Variants in SNTG1 observed in about 807,000 individuals in gnomAD.
SNTG1 encodes the protein gamma-1-syntrophin.
SNTG1 carries 39 observed loss-of-function variants against 74.7 expected under a neutral mutation model. That is an observed-to-expected ratio of 0.52 (90% confidence interval 0.40 to 0.68). The LOEUF is 0.68. Among genes scored for constraint, SNTG1 ranks in the 30% least tolerant of loss-of-function variants. SNTG1 has a pLI of 0.00. For missense variants in SNTG1, 685 were observed against 609.5 expected, an observed-to-expected ratio of 1.12 and a Z score of -1.30; for synonymous variants, 254 against 217.1, an observed-to-expected ratio of 1.17 and a Z score of -1.49.
intron 2 of SNTG1, among the ~76,000 whole-genome samples, chr8:50,291,858 A>G (rs1466958536): frequency 6.6e-6 from 1 of 152,146 alleles, no homozygotes; most frequent in Non-Finnish European, 1.5e-5. Context: ...AAGACCGGAC[A>G]TGTTGATGGA....
At chr8:50,231,737 TAATC>T (rs1289452003) in intron 2 of SNTG1, among the ~76,000 whole-genome samples, 1 of 151,264 alleles carries the variant, frequency 6.6e-6, no homozygotes, top group African/African-American at 2.4e-5. Flanking sequence ...GGGAAGATGA[TAATC>T]AAAGGGTACA....
At chr8:50,786,572 C>CA (rs2095675887) in intron 18 of SNTG1, among the ~76,000 whole-genome samples, 1 of 151,736 alleles carries the variant, frequency 6.6e-6, no homozygotes, top group African/African-American at 2.4e-5. Context: ...TTGGAGAGAA[C>CA]CCCCAGTTCC....
chr8:50,756,409 C>T (rs2095580635), intron 18 of SNTG1, among the ~76,000 whole-genome samples: 1 of 151,704 alleles, frequency 6.6e-6, no homozygotes. Flanking sequence ...GAGCTGTGTT[C>T]CATTTGGAAT....
chr8:50,393,067 G>A (rs1440834163), intron 2 of SNTG1, among the ~76,000 whole-genome samples: 2 of 151,996 alleles, frequency 1.3e-5, no homozygotes, highest in Non-Finnish European at 2.9e-5. Context: ...CAAATAAAAT[G>A]TTTAAGAGCA....
chr8:50,180,783 A>C (rs1313431581), intron 2 of SNTG1, among the ~76,000 whole-genome samples: 1 of 61,832 alleles, frequency 1.6e-5, no homozygotes, highest in African/African-American at 7.9e-5. Context: ...TTTTTTTAAC[A>C]AAGTTTTGCT....
intron 13 of SNTG1, among the ~76,000 whole-genome samples, chr8:50,638,378 C>G (rs1299055137): frequency 6.6e-6 from 1 of 151,954 alleles, no homozygotes; most frequent in Non-Finnish European, 1.5e-5. Context: ...AAGTGAGGTG[C>G]CACTATAATG....
intron 1 of SNTG1, among the ~76,000 whole-genome samples, chr8:50,122,941 G>A (rs988075868): frequency 7.0e-6 from 1 of 142,486 alleles, no homozygotes; most frequent in African/African-American, 2.5e-5. Flanking sequence ...TTTACATAGA[G>A]GCTTTTATGT....
At chr8:50,704,556 T>C (rs1330940827) in intron 15 of SNTG1, 44 bp from the exon 16 acceptor site, 4 of 1,613,304 alleles carry the variant, frequency 2.5e-6, no homozygotes, top group South Asian at 2.2e-5. Context: ...GTTAGCAATG[T>C]GAAGTGATGT....
At chr8:50,743,732 C>T (rs1204663152) in intron 17 of SNTG1, among the ~76,000 whole-genome samples, 1 of 151,716 alleles carries the variant, frequency 6.6e-6, no homozygotes, top group East Asian at 1.9e-4. Flanking sequence ...TAGACAACTA[C>T]ACACACAAAC....
intron 4 of SNTG1, among the ~76,000 whole-genome samples, chr8:50,428,796 A>T (rs1035920527): frequency 5.9e-5 from 9 of 152,274 alleles, no homozygotes; most frequent in African/African-American, 1.9e-4. Flanking sequence ...ATTCTCTTTA[A>T]TTAGATTTTT....
At chr8:50,752,268 G>C (rs931699480) in intron 18 of SNTG1, among the ~76,000 whole-genome samples, 157 bp downstream of exon 18, 1 of 151,904 alleles carries the variant, frequency 6.6e-6, no homozygotes, top group Non-Finnish European at 1.5e-5. Flanking sequence ...CTTACTTTAA[G>C]ATTTTATTGG....
chr8:50,347,888 C>T (rs10095977), intron 2 of SNTG1, among the ~76,000 whole-genome samples: 9,954 of 152,194 alleles, frequency 0.065, 354 homozygotes, highest in African/African-American at 0.072. Context: ...AACAAATTTC[C>T]GGGTTTCCCA....
At chr8:50,699,846 A>G (rs2131499651) in intron 15 of SNTG1, among the ~76,000 whole-genome samples, 1 of 146,104 alleles carries the variant, frequency 6.8e-6, no homozygotes, top group Admixed American at 6.8e-5. Flanking sequence ...ATCAATACTG[A>G]CAACAAAAAT....
chr8:50,164,277 G>A (rs1444552120), intron 1 of SNTG1: 1 of 152,046 alleles, frequency 6.6e-6, no homozygotes, highest in Non-Finnish European at 1.5e-5. Flanking sequence ...GGTACAGCGT[G>A]ATGCACAGTT....
intron 9 of SNTG1, among the ~76,000 whole-genome samples, chr8:50,512,968 T>C (rs573200540): frequency 6.6e-6 from 1 of 152,336 alleles, no homozygotes; most frequent in South Asian, 2.1e-4. Flanking sequence ...AGGAGCTGTA[T>C]TCCTTTGGAA....
chr8:50,479,736 G>T (rs147624307), intron 8 of SNTG1, among the ~76,000 whole-genome samples: 1 of 152,024 alleles, frequency 6.6e-6, no homozygotes, highest in African/African-American at 2.4e-5. Flanking sequence ...CCCCCATATT[G>T]GTGGTGGTGG....
chr8:50,442,885 T>G (rs772432728), intron 5 of SNTG1, among the ~76,000 whole-genome samples: 8 of 152,188 alleles, frequency 5.3e-5, no homozygotes, highest in Non-Finnish European at 8.8e-5. Context: ...AGTGGCATCC[T>G]GCACATGGCC....
Position 50,352,272 on chromosome 8 carries a change from C to A in SNTG1, c.-27-41940C>A, listed in dbSNP as rs182236419. 1.7e-3 allele frequency among the ~76,000 whole-genome samples: 263 copies of A among 152,256 alleles called. 2 individuals carry two copies. The highest frequency in any genetic ancestry group is 0.01 in the Middle Eastern group (3 of 294). ...AGAACAGAGTTGAACTAATGTGTCC[C>A]TGTTTTAATTGATTCTTGAGGAAGG... is the stretch of plus-strand genomic sequence containing the variant. On this transcript the variant is annotated intron_variant, in intron 2 of 18. Coordinates refer to ENST00000642720, the MANE Select transcript of SNTG1 (RefSeq NM_018967.5).
intron 1 of SNTG1, among the ~76,000 whole-genome samples, chr8:50,090,344 A>T (rs1435391792): frequency 6.6e-6 from 1 of 152,162 alleles, no homozygotes; most frequent in East Asian, 1.9e-4. Context: ...GGGGACTCAG[A>T]AGACATCCCT....
Sources: gnomAD v4.1 joint callset for allele counts (sites outside exome capture counted in the v4.1 genomes callset) on GRCh38, gnomAD v4.1.1 for gene constraint, MANE v1.5 for transcripts, NCBI Gene and HGNC (gene_info 2026-07-23, HGNC 2026-07-21) for gene names.